Variants in CNTNAP5 observed in about 807,000 individuals in gnomAD.
The protein encoded by CNTNAP5 is contactin-associated protein-like 5.
Under a neutral mutation model 150.2 loss-of-function variants are expected in CNTNAP5, and 72 were observed. The observed-to-expected ratio is 0.48, with a 90% confidence interval of 0.40 to 0.58. The LOEUF (loss-of-function observed/expected upper bound fraction) is 0.58. Among genes scored for constraint, CNTNAP5 ranks in the 20% least tolerant of loss-of-function variants. The pLI is 0.00. For synonymous variants in CNTNAP5, 672 were observed against 619.8 expected, an observed-to-expected ratio of 1.08 and a Z score of -1.25; for missense variants, 1,636 against 1,626.2, an observed-to-expected ratio of 1.01 and a Z score of -0.10.
chr2:124,102,817 A>T (rs763614035), intron 1 of CNTNAP5, among the ~76,000 whole-genome samples: 2 of 152,240 alleles, frequency 1.3e-5, no homozygotes, highest in Non-Finnish European at 2.9e-5. Flanking sequence ...AGGATAAATG[A>T]GCTGAATCAG....
At chr2:124,772,333 G>A (rs1001103086) in intron 16 of CNTNAP5, among the ~76,000 whole-genome samples, 29 of 152,278 alleles carry the variant, frequency 1.9e-4, no homozygotes, top group African/African-American at 6.7e-4. Flanking sequence ...AACTTTCTGA[G>A]CTTTTTTCAT....
At chr2:124,269,985 G>T (rs567977067) in intron 3 of CNTNAP5, among the ~76,000 whole-genome samples, 10 of 152,120 alleles carry the variant, frequency 6.6e-5, no homozygotes, top group African/African-American at 2.2e-4. Context: ...AAGCATAACA[G>T]TTCTTATATT....
chr2:124,304,633 T>A (rs1688636999), intron 3 of CNTNAP5, among the ~76,000 whole-genome samples: 1 of 151,508 alleles, frequency 6.6e-6, no homozygotes, highest in African/African-American at 2.4e-5. Context: ...ATGTTGAGAG[T>A]CAATTGGAAA....
intron 10 of CNTNAP5, among the ~76,000 whole-genome samples, chr2:124,546,077 G>T (rs1166811543): frequency 7.2e-5 from 11 of 152,086 alleles, no homozygotes; most frequent in Non-Finnish European, 1.3e-4. Context: ...AGTCCATCTG[G>T]AATAGAGGTT....
chr2:124,695,988 A>G (rs1049117534), intron 13 of CNTNAP5, among the ~76,000 whole-genome samples: 1 of 152,190 alleles, frequency 6.6e-6, no homozygotes, highest in African/African-American at 2.4e-5. Context: ...TCTCAAAATC[A>G]CTTGTCTGTT....
intron 19 of CNTNAP5, among the ~76,000 whole-genome samples, chr2:124,804,615 C>G (rs543138132): frequency 1.6e-4 from 24 of 152,236 alleles, no homozygotes; most frequent in African/African-American, 5.5e-4. Context: ...GTCTCCTGCT[C>G]TCTCTTTGAA....
chr2:124,693,460 T>C (rs1369100424), intron 13 of CNTNAP5, among the ~76,000 whole-genome samples: 2 of 152,062 alleles, frequency 1.3e-5, no homozygotes, highest in Admixed American at 6.6e-5. Context: ...ACCTCTTTAG[T>C]ATGAGGATTC....
At chr2:124,189,335 C>G (rs1249172838) in intron 1 of CNTNAP5, among the ~76,000 whole-genome samples, 1 of 152,132 alleles carries the variant, frequency 6.6e-6, no homozygotes. Flanking sequence ...CTAAGCCTTG[C>G]TAGCCAGAAT....
intron 17 of CNTNAP5, among the ~76,000 whole-genome samples, chr2:124,781,436 T>A (rs988702153): frequency 4.6e-5 from 7 of 152,166 alleles, no homozygotes; most frequent in Non-Finnish European, 8.8e-5. Flanking sequence ...ATTGGTGAAA[T>A]AAGATTAATT....
chr2:124,821,145 G>T (rs1682477034), intron 19 of CNTNAP5, among the ~76,000 whole-genome samples: 1 of 152,142 alleles, frequency 6.6e-6, no homozygotes, highest in South Asian at 2.1e-4. Flanking sequence ...ATATGTATCT[G>T]GGAACAATAA....
At chr2:124,651,532 C>T (rs1047883251) in intron 13 of CNTNAP5, among the ~76,000 whole-genome samples, 8 of 152,160 alleles carry the variant, frequency 5.3e-5, no homozygotes, top group Non-Finnish European at 1.2e-4. Context: ...AACAGAAACT[C>T]AGAGAGAATA....
intron 10 of CNTNAP5, among the ~76,000 whole-genome samples, chr2:124,532,863 T>A (rs1695142476): frequency 6.6e-6 from 1 of 152,160 alleles, no homozygotes; most frequent in South Asian, 2.1e-4. Flanking sequence ...ATGCGGTAGA[T>A]GCTCAGTAAA....
intron 13 of CNTNAP5, among the ~76,000 whole-genome samples, chr2:124,652,726 C>A (rs1678349341): frequency 6.6e-6 from 1 of 152,162 alleles, no homozygotes; most frequent in Admixed American, 6.5e-5. Context: ...TCCCACAATT[C>A]TCTTGCAATA....
intron 8 of CNTNAP5, among the ~76,000 whole-genome samples, chr2:124,511,063 T>C (rs1477673482): frequency 6.6e-6 from 1 of 152,178 alleles, no homozygotes; most frequent in Admixed American, 6.5e-5. Flanking sequence ...TCATGTTCTA[T>C]TTTTAATGAT....
At chr2:124,193,667 C>A (rs1375305287) in intron 1 of CNTNAP5, among the ~76,000 whole-genome samples, 1 of 152,186 alleles carries the variant, frequency 6.6e-6, no homozygotes, top group African/African-American at 2.4e-5. Context: ...GAAAACAATA[C>A]CTCACTGGAC....
chr2:124,101,773 A>G (rs1683067886), intron 1 of CNTNAP5, among the ~76,000 whole-genome samples: 1 of 152,244 alleles, frequency 6.6e-6, no homozygotes, highest in African/African-American at 2.4e-5. Flanking sequence ...CATTTGGACT[A>G]AGACAGAGAC....
intron 3 of CNTNAP5, among the ~76,000 whole-genome samples, chr2:124,316,059 C>T (rs1179136337): frequency 6.6e-6 from 1 of 152,236 alleles, no homozygotes; most frequent in Admixed American, 6.5e-5. Flanking sequence ...CAGACTCCAA[C>T]AGAACCTCAA....
At chr2:124,780,282 C>A (rs1396304422) in intron 17 of CNTNAP5, among the ~76,000 whole-genome samples, 1 of 152,134 alleles carries the variant, frequency 6.6e-6, no homozygotes, top group Non-Finnish European at 1.5e-5. Context: ...ATGATTTGTG[C>A]CTTCACCCCA....
intron 7 of CNTNAP5, among the ~76,000 whole-genome samples, chr2:124,492,802 T>A (rs1694061918): frequency 1.3e-5 from 2 of 150,588 alleles, no homozygotes; most frequent in African/African-American, 4.9e-5. Flanking sequence ...TTCAACTTAT[T>A]TTTGTATGTT....
Sources: allele counts gnomAD v4.1 joint callset (sites outside exome capture counted in the v4.1 genomes callset), GRCh38; gene constraint gnomAD v4.1.1; transcripts MANE v1.5; gene names NCBI Gene and HGNC (gene_info 2026-07-23, HGNC 2026-07-21).